Variants in LSAMP observed in about 807,000 individuals in gnomAD.
LSAMP encodes limbic system-associated membrane protein.
A neutral mutation model predicts 38.6 loss-of-function variants in LSAMP; 7 were observed. The observed-to-expected ratio is 0.18, with a 90% CI of 0.10 to 0.34. The LOEUF is 0.34. LSAMP is among the 10% of genes least tolerant of loss of function. LSAMP has a pLI of 1.00. For missense variants in LSAMP, 313 were observed against 420.0 expected (o/e 0.75, Z 2.23); for synonymous variants, 154 against 166.8 (o/e 0.92, Z 0.59).
intron 1 of LSAMP, among the ~76,000 whole-genome samples, chr3:116,201,025 C>T (rs947678236): frequency 6.6e-6 from 1 of 152,202 alleles, no homozygotes; most frequent in Non-Finnish European, 1.5e-5. Context: ...AGGAGATTAA[C>T]AAGTGAGGAG....
chr3:116,370,864 A>G (rs79872157), intron 1 of LSAMP, among the ~76,000 whole-genome samples: 13 of 152,306 alleles, frequency 8.5e-5, no homozygotes, highest in African/African-American at 2.9e-4. Flanking sequence ...AGAGAAAACT[A>G]AAATTACCGA....
At chr3:116,390,780 A>G (rs1247317716) in intron 1 of LSAMP, among the ~76,000 whole-genome samples, 1 of 149,614 alleles carries the variant, frequency 6.7e-6, no homozygotes, top group Non-Finnish European at 1.5e-5. Context: ...GAACGTGCTT[A>G]CAGTAACAAT....
At chr3:116,198,235 T>TA (rs1415976791) in intron 1 of LSAMP, among the ~76,000 whole-genome samples, 1 of 152,148 alleles carries the variant, frequency 6.6e-6, no homozygotes, top group Non-Finnish European at 1.5e-5. Context: ...TTTACAGGGA[T>TA]AAAAAGGGGA....
intron 2 of LSAMP, among the ~76,000 whole-genome samples, chr3:116,050,408 T>A (rs993718731): frequency 6.6e-6 from 1 of 152,030 alleles, no homozygotes; most frequent in African/African-American, 2.4e-5. Flanking sequence ...TCTATTAAAC[T>A]CCTTTGACAT....
At chr3:116,130,207 C>T (rs760313760) in intron 1 of LSAMP, among the ~76,000 whole-genome samples, 25 of 152,232 alleles carry the variant, frequency 1.6e-4, no homozygotes, top group Non-Finnish European at 2.9e-4. Flanking sequence ...CTATCCTCTC[C>T]TATCCCCTCA....
At chr3:116,189,301 G>T (rs1181640977) in intron 1 of LSAMP, among the ~76,000 whole-genome samples, 1 of 152,112 alleles carries the variant, frequency 6.6e-6, no homozygotes, top group African/African-American at 2.4e-5. Flanking sequence ...TGAGAAGAGA[G>T]TGGTGTTGGC....
chr3:116,302,946 C>A (rs911802593), intron 1 of LSAMP, among the ~76,000 whole-genome samples: 7 of 152,152 alleles, frequency 4.6e-5, no homozygotes, highest in African/African-American at 1.7e-4. Context: ...AAATATATCC[C>A]TTTTCAAAAA....
intron 3 of LSAMP, among the ~76,000 whole-genome samples, chr3:116,018,779 C>T (rs1239905018): frequency 6.6e-6 from 1 of 151,892 alleles, no homozygotes; most frequent in Non-Finnish European, 1.5e-5. Context: ...CTTTTTATGG[C>T]GATGGTGGTG....
At chr3:116,335,551 G>A (rs2047908829) in intron 1 of LSAMP, among the ~76,000 whole-genome samples, 1 of 151,992 alleles carries the variant, frequency 6.6e-6, no homozygotes, top group Admixed American at 6.6e-5. Flanking sequence ...AGCCCAGAAA[G>A]AAACTTTTGC....
intron 1 of LSAMP, among the ~76,000 whole-genome samples, chr3:116,170,415 ACCTTT>A: frequency 6.6e-6 from 1 of 152,218 alleles, no homozygotes; most frequent in African/African-American, 2.4e-5. Flanking sequence ...TTTTATAATT[ACCTTT>A]CATATTATAA....
intron 1 of LSAMP, among the ~76,000 whole-genome samples, chr3:116,119,660 T>TC (rs1708831332): frequency 7.3e-6 from 1 of 137,000 alleles, no homozygotes; most frequent in African/African-American, 3.0e-5. Flanking sequence ...TTTTTTCTTT[T>TC]CTTTTTTTTT....
chr3:116,266,681 A>C (rs915521534), intron 1 of LSAMP, among the ~76,000 whole-genome samples: 1 of 152,160 alleles, frequency 6.6e-6, no homozygotes, highest in Non-Finnish European at 1.5e-5. Flanking sequence ...CAGCCTGAAA[A>C]GATTGGCATT....
intron 1 of LSAMP, among the ~76,000 whole-genome samples, chr3:116,102,785 A>ATCTATCTG (rs562864883): frequency 6.6e-6 from 1 of 151,692 alleles, no homozygotes; most frequent in African/African-American, 2.4e-5. Context: ...CTATCTATCT[A>ATCTATCTG]TCTGTCTGTC....
At chr3:116,026,813 A>ATGTTAC (rs1329132372) in intron 2 of LSAMP, among the ~76,000 whole-genome samples, 1 of 152,168 alleles carries the variant, frequency 6.6e-6, no homozygotes, top group African/African-American at 2.4e-5. Flanking sequence ...TCCCTGGGTC[A>ATGTTAC]TGTTACTTGC....
At chr3:116,291,352 G>T (rs1199471006) in intron 1 of LSAMP, among the ~76,000 whole-genome samples, 1 of 152,132 alleles carries the variant, frequency 6.6e-6, no homozygotes, top group African/African-American at 2.4e-5. Context: ...CAAAAGCACT[G>T]GCTTAGAAGT....
intron 1 of LSAMP, among the ~76,000 whole-genome samples, chr3:116,092,279 A>C (rs1168622239): frequency 6.6e-6 from 1 of 152,192 alleles, no homozygotes; most frequent in East Asian, 1.9e-4. Context: ...GGGAAATTTA[A>C]AGAGAATTAT....
chr3:115,872,954 C>T lies in LSAMP; in HGVS notation c.515-20337G>A, dbSNP rs530852278. Among the ~76,000 whole-genome samples the T allele has an allele frequency of 4.6e-5, 7 of 152,216 alleles. No individual in the cohort carries two copies. In the East Asian group the frequency reaches 1.4e-3, roughly 29 times the overall value. ...AAGGAAGTATAACATATGTATGAAA[C>T]ATATATGATACATACATACACATAT... On this transcript the variant is annotated intron_variant, in intron 3 of 6. Coordinates refer to ENST00000490035, the MANE Select transcript of LSAMP (RefSeq NM_002338.5).
At chr3:116,252,965 G>A (rs573362524) in intron 1 of LSAMP, among the ~76,000 whole-genome samples, 12 of 152,232 alleles carry the variant, frequency 7.9e-5, no homozygotes, top group African/African-American at 2.9e-4. Flanking sequence ...TTAAGAAAGA[G>A]GCTTTAATTA....
At chr3:115,871,809 G>A (rs888775146) in intron 3 of LSAMP, among the ~76,000 whole-genome samples, 1 of 152,086 alleles carries the variant, frequency 6.6e-6, no homozygotes, top group Non-Finnish European at 1.5e-5. Flanking sequence ...AATACCATCT[G>A]AGTTATACAA....
Sources: gnomAD v4.1 joint callset for allele counts (sites outside exome capture counted in the v4.1 genomes callset) on GRCh38, gnomAD v4.1.1 for gene constraint, MANE v1.5 for transcripts, NCBI Gene and HGNC (gene_info 2026-07-23, HGNC 2026-07-21) for gene names.